GPR39: variants seen among roughly 807,000 people sequenced by gnomAD.
GPR39 encodes zinc sensing receptor.
GPR39 carries 23 observed loss-of-function variants against 18.4 expected under a neutral mutation model. The ratio of observed to expected loss-of-function variants is 1.25; its 90% CI spans 0.90 to 1.77. GPR39 has a LOEUF of 1.77. Among genes scored for constraint, GPR39 ranks in the 40% most tolerant of loss-of-function variants. The pLI, the probability that GPR39 is intolerant of heterozygous loss-of-function variation, is 0.00. For missense variants in GPR39, 647 were observed against 602.4 expected, an observed-to-expected ratio of 1.07 and a Z score of -0.78; for synonymous variants, 280 against 257.9, an observed-to-expected ratio of 1.09 and a Z score of -0.82.
chr2:132,521,312 C>T (rs574200484), intron 1 of GPR39, among the ~76,000 whole-genome samples: 14 of 152,296 alleles, frequency 9.2e-5, no homozygotes, highest in South Asian at 2.1e-4. Flanking sequence ...AGATACTGGG[C>T]GGGCAACTGG....
rs7586082 is a variant in GPR39, at chr2:132,645,813, C to G, written c.*207C>G. On this transcript the variant is annotated 3_prime_UTR_variant, in exon 2 of 2. Transcript: ENST00000329321. ...CCGGTTACACAGACATGGGGGTGAA[C>G]TTTCACTCCACCTCCTTCCTTCAAG... 6,934 of 715,560 alleles carry G rather than the reference C, an allele frequency of 9.7e-3. 247 individuals carry two copies. Among genetic ancestry groups the G allele is most frequent in the African/African-American group, 0.087 (4,902 of 56,160 alleles). 44.3% of individuals were successfully genotyped at this position (715,560 alleles called of 1,614,324 possible).
At chr2:132,530,236 A>G (rs577050894) in intron 1 of GPR39, among the ~76,000 whole-genome samples, 2 of 152,380 alleles carry the variant, frequency 1.3e-5, no homozygotes, top group East Asian at 3.9e-4. Context: ...GATGAGATCA[A>G]CTGGAAGAAA....
At chr2:132,493,553 TAGC>T (rs1466899514) in intron 1 of GPR39, among the ~76,000 whole-genome samples, 1 of 146,434 alleles carries the variant, frequency 6.8e-6, no homozygotes, top group Non-Finnish European at 1.5e-5. Context: ...ATATATATGG[TAGC>T]AGCAACAGGA....
In GPR39 at chr2:132,646,022, AG is replaced by A. The variant is rs762870383; in HGVS notation, c.*421del. 6.7e-7 allele frequency: 1 copy of A among 1,499,232 alleles called. No individual in the cohort carries two copies. 92.9% of individuals were successfully genotyped at this position (1,499,232 alleles called of 1,614,324 possible). A position where few individuals can be genotyped will look rare whatever the true frequency, so the allele number is the denominator to read the frequency against. ...GCGAGGGCTGGAAGAACAATGCAGGAGGGGGTGGCATCTCCTTCAGCTTCAG... is the reference window on the plus strand; with the variant it reads ...GCGAGGGCTGGAAGAACAATGCAGGAGGGGTGGCATCTCCTTCAGCTTCAG... On this transcript the variant is annotated 3_prime_UTR_variant, in exon 2 of 2. Transcript: ENST00000329321.
chr2:132,437,676 T>G (rs1055362801), intron 1 of GPR39, among the ~76,000 whole-genome samples: 1 of 152,216 alleles, frequency 6.6e-6, no homozygotes, highest in Non-Finnish European at 1.5e-5. Flanking sequence ...ATAGACATTA[T>G]GTACTGGGCC....
intron 1 of GPR39, among the ~76,000 whole-genome samples, chr2:132,544,851 G>A (rs1175287938): frequency 1.3e-5 from 2 of 152,176 alleles, no homozygotes; most frequent in Non-Finnish European, 2.9e-5. Flanking sequence ...GCTTTTATGG[G>A]CTCAGAATGG....
intron 1 of GPR39, among the ~76,000 whole-genome samples, chr2:132,484,502 C>T (rs1267550096): frequency 5.3e-5 from 8 of 152,144 alleles, no homozygotes; most frequent in Non-Finnish European, 8.8e-5. Flanking sequence ...TCATACAGCC[C>T]TGGGAGACAG....
At chr2:132,625,138 C>T (rs967170541) in intron 1 of GPR39, among the ~76,000 whole-genome samples, 11 of 150,608 alleles carry the variant, frequency 7.3e-5, no homozygotes, top group South Asian at 2.1e-4. Context: ...TTTGCTTCTA[C>T]GTGGCTTTTT....
In GPR39 at chr2:132,606,393, CAG is replaced by C. The variant is rs767771287; in HGVS notation, c.857-38705_857-38704del. The stretch of plus-strand genomic sequence containing the variant: ...GCAGCAAGTATTTATAAAAGTGAAA[CAG>C]AGTTCTTTTATCCCTCTTGCAGGGT... On this transcript the variant is annotated intron_variant, in intron 1 of 1. Coordinates refer to ENST00000329321, the MANE Select transcript of GPR39 (RefSeq NM_001508.3). 7.9e-4 allele frequency among the ~76,000 whole-genome samples: 120 copies of C among 152,304 alleles called. 1 individual carries two copies. Among genetic ancestry groups the C allele is most frequent in the East Asian group, 2.9e-3 (15 of 5,182 alleles).
At position 132,616,188 on chromosome 2, in the gene GPR39, A is replaced by G. The variant is rs77650750; in HGVS notation, c.857-28913A>G. Among the ~76,000 whole-genome samples, 236 of 152,168 alleles carry G rather than the reference A, an allele frequency of 1.6e-3. 1 individual carries two copies. Among genetic ancestry groups the G allele is most frequent in the African/African-American group, 5.5e-3 (228 of 41,512 alleles). On this transcript the variant is annotated intron_variant, in intron 1 of 1. Transcript: ENST00000329321. Reference sequence around the variant, plus strand: ...CTGGGACCACACTTGGTTATTATTTATTGTCATCTGACAAACCTGTGAGGT... The same window carrying G: ...CTGGGACCACACTTGGTTATTATTTGTTGTCATCTGACAAACCTGTGAGGT...
At chr2:132,453,727 TAA>T (rs1680669805) in intron 1 of GPR39, among the ~76,000 whole-genome samples, 1 of 152,256 alleles carries the variant, frequency 6.6e-6, no homozygotes, top group Non-Finnish European at 1.5e-5. Context: ...CACCATTTAT[TAA>T]ATAGGGATGC....
intron 1 of GPR39, among the ~76,000 whole-genome samples, chr2:132,486,190 A>T (rs1021386910): frequency 6.6e-5 from 10 of 152,326 alleles, no homozygotes; most frequent in African/African-American, 1.7e-4. Flanking sequence ...AATATTTAGT[A>T]AACCATGCTA....
intron 1 of GPR39, among the ~76,000 whole-genome samples, chr2:132,522,663 G>A (rs1251156992): frequency 6.6e-6 from 1 of 152,296 alleles, no homozygotes; most frequent in African/African-American, 2.4e-5. Flanking sequence ...TTGGCCCTGG[G>A]TAGTGTGAGC....
intron 1 of GPR39, among the ~76,000 whole-genome samples, chr2:132,592,381 T>C (rs1449665377): frequency 6.6e-6 from 1 of 152,102 alleles, no homozygotes; most frequent in Non-Finnish European, 1.5e-5. Context: ...CCAAAAGTCC[T>C]AGGATAGGTG....
chr2:132,424,812 A>T (rs917246989), intron 1 of GPR39, among the ~76,000 whole-genome samples: 1 of 152,184 alleles, frequency 6.6e-6, no homozygotes, highest in Non-Finnish European at 1.5e-5. Flanking sequence ...CCTTCATTGG[A>T]ACACAGTTCT....
rs201048742 is a variant in GPR39, at chr2:132,627,087, A to ATT, written c.857-18004_857-18003dup. On this transcript the variant is annotated intron_variant, in intron 1 of 1. Coordinates refer to ENST00000329321, the MANE Select transcript of GPR39 (RefSeq NM_001508.3). ...CCTGGTTTAGCAACTCCAGCAGAAT[A>ATT]TTTTTTTTTTTCCAGCAGATGTCCT... Among the ~76,000 whole-genome samples the ATT allele has an allele frequency of 1.4e-3, 202 of 148,644 alleles. 1 individual carries two copies. The highest frequency in any genetic ancestry group is 4.5e-3 in the Admixed American group (67 of 14,928).
rs140184645 is a variant in GPR39, at chr2:132,535,368, T to C, written c.857-109733T>C. Among the ~76,000 whole-genome samples, 501 of 152,356 alleles carry C rather than the reference T, an allele frequency of 3.3e-3. 4 individuals are homozygous for C. The highest frequency in any genetic ancestry group is 0.012 in the African/African-American group (490 of 41,578). ...TTCTGTTTATGTGATGAATTACATTTATTGATTTGTGTATGTTGAACCAGC... is the reference window on the plus strand; with the variant it reads ...TTCTGTTTATGTGATGAATTACATTCATTGATTTGTGTATGTTGAACCAGC... On this transcript the variant is annotated intron_variant, in intron 1 of 1. Coordinates refer to ENST00000329321, the MANE Select transcript of GPR39 (RefSeq NM_001508.3).
At chr2:132,494,985 G>A (rs1681611516) in intron 1 of GPR39, among the ~76,000 whole-genome samples, 1 of 152,178 alleles carries the variant, frequency 6.6e-6, no homozygotes, top group South Asian at 2.1e-4. Context: ...GGAGCACCCT[G>A]AGGGGATAGG....
intron 1 of GPR39, among the ~76,000 whole-genome samples, chr2:132,421,698 A>G (rs999373494): frequency 4.6e-5 from 7 of 152,190 alleles, no homozygotes; most frequent in African/African-American, 1.7e-4. Flanking sequence ...TCTAAAAATA[A>G]GGTTGATATA....
Sources: allele counts gnomAD v4.1 joint callset (sites outside exome capture counted in the v4.1 genomes callset), GRCh38; gene constraint gnomAD v4.1.1; transcripts MANE v1.5; gene names NCBI Gene and HGNC (gene_info 2026-07-23, HGNC 2026-07-21).